Variants in CPS1 observed in about 807,000 individuals in gnomAD.
CPS1 encodes the protein carbamoyl-phosphate synthase 1.
CPS1 carries 109 observed loss-of-function variants against 174.6 expected under a neutral mutation model. The ratio of observed to expected loss-of-function variants is 0.62; its 90% CI spans 0.53 to 0.73. The LOEUF is 0.73. Ranked by LOEUF, CPS1 falls within the 30% of genes least tolerant of loss-of-function variation. CPS1 has a pLI of 0.00. For synonymous variants in CPS1, 637 were observed against 632.0 expected (o/e 1.01, Z -0.12); for missense variants, 1,689 against 1,821.9 (o/e 0.93, Z 1.33).
At chr2:210,572,879 T>G (rs899473557) in intron 1 of CPS1, among the ~76,000 whole-genome samples, 2 of 151,874 alleles carry the variant, frequency 1.3e-5, no homozygotes, top group Non-Finnish European at 2.9e-5. Context: ...AATCTCAGAG[T>G]GATGATGAGC....
At chr2:210,630,684 C>A (rs1009815439) in intron 21 of CPS1, among the ~76,000 whole-genome samples, 5 of 152,164 alleles carry the variant, frequency 3.3e-5, no homozygotes, top group Non-Finnish European at 5.9e-5. Context: ...AATAGTAGTG[C>A]CTACCCAATT....
chr2:210,496,128 C>T (rs1694985265), intron 1 of CPS1, among the ~76,000 whole-genome samples: 1 of 152,136 alleles, frequency 6.6e-6, no homozygotes, highest in African/African-American at 2.4e-5. Context: ...TGGACTTGCA[C>T]CTCACCAAAA....
chr2:210,526,654 T>C (rs951301635), intron 1 of CPS1, among the ~76,000 whole-genome samples: 10 of 151,852 alleles, frequency 6.6e-5, no homozygotes, highest in African/African-American at 2.4e-4. Flanking sequence ...CACCCTGAAA[T>C]CTATCACAAG....
chr2:210,573,465 T>G (rs1387288115), intron 2 of CPS1, 58 bp downstream of exon 2: 2 of 1,268,118 alleles, frequency 1.6e-6, no homozygotes, highest in African/African-American at 2.9e-5. Context: ...AACTGGAAGA[T>G]CTCACTCATG....
At chr2:210,604,560 G>C (rs1698840545) in intron 16 of CPS1, among the ~76,000 whole-genome samples, 1 of 151,730 alleles carries the variant, frequency 6.6e-6, no homozygotes, top group South Asian at 2.1e-4. Flanking sequence ...CATAATAATA[G>C]TCCCATATGA....
intron 1 of CPS1, among the ~76,000 whole-genome samples, chr2:210,525,224 A>G (rs968960798): frequency 6.6e-5 from 10 of 151,870 alleles, no homozygotes; most frequent in Non-Finnish European, 2.9e-5. Flanking sequence ...ACACCATGTA[A>G]AACTTAGTAT....
intron 5 of CPS1, among the ~76,000 whole-genome samples, chr2:210,580,067 G>C (rs1337768040): frequency 6.6e-6 from 1 of 152,140 alleles, no homozygotes; most frequent in African/African-American, 2.4e-5. Context: ...TTATAATTCA[G>C]CTCATGTGAT....
At chr2:210,648,930 C>G (rs1407395698) in intron 27 of CPS1, among the ~76,000 whole-genome samples, 3 of 152,122 alleles carry the variant, frequency 2.0e-5, no homozygotes, top group African/African-American at 7.2e-5. Flanking sequence ...CTGATAGTGC[C>G]TTTGTTTTAA....
Position 210,678,289 on chromosome 2 carries a change from G to GC in CPS1, c.*304_*305insC. Reference sequence around the variant, plus strand: ...TTACTTTTTATGGTGCTGATTAATGGTGATCAAGGTAGGAAAAGTTGCTGT... The same window carrying GC: ...TTACTTTTTATGGTGCTGATTAATGGCTGATCAAGGTAGGAAAAGTTGCTGT... On this transcript the variant is annotated 3_prime_UTR_variant, in exon 38 of 38. Coordinates refer to ENST00000233072, the MANE Select transcript of CPS1 (RefSeq NM_001875.5). 4.8e-6 allele frequency: 2 copies of GC among 412,792 alleles called. No individual in the cohort carries two copies. Among genetic ancestry groups the GC allele is most frequent in the Admixed American group, 3.7e-5 (1 of 26,670 alleles). The allele number at this position is 412,792 out of a possible 1,614,324, so 25.6% of individuals were successfully genotyped here.
At chr2:210,589,199 C>G (rs761026462) in intron 7 of CPS1, among the ~76,000 whole-genome samples, 1 of 152,148 alleles carries the variant, frequency 6.6e-6, no homozygotes, top group Admixed American at 6.6e-5. Flanking sequence ...CTAGTGGTAA[C>G]TACTTGCTAA....
At chr2:210,668,871 A>G (rs1701195128) in intron 34 of CPS1, among the ~76,000 whole-genome samples, 1 of 152,154 alleles carries the variant, frequency 6.6e-6, no homozygotes, top group Non-Finnish European at 1.5e-5. Context: ...TCTCCTGACC[A>G]TCTCCCCTTC....
chr2:210,573,330 A>T lies in CPS1; in HGVS notation c.159A>T (p.Gly53=). Residue 53 remains glycine, a synonymous_variant, in exon 2 of 38, where the codon GGA becomes GGT. Transcript: ENST00000233072. ...AQTAHIVLED[G]TKMKGYSFGH... ...CAGCACACATTGTCCTGGAAGATGG[A>T]ACTAAGATGAAAGGTTACTCCTTTG... The T allele has an allele frequency of 6.2e-7, 1 of 1,613,210 alleles. No homozygotes were observed. Among genetic ancestry groups the T allele is most frequent in the Non-Finnish European group, 8.5e-7 (1 of 1,179,262 alleles).
At chr2:210,536,871 T>G (rs1696269146) in intron 1 of CPS1, among the ~76,000 whole-genome samples, 1 of 152,198 alleles carries the variant, frequency 6.6e-6, no homozygotes, top group Non-Finnish European at 1.5e-5. Flanking sequence ...GATTACTTCT[T>G]AGATTAAAGT....
chr2:210,629,371 G>A (rs1699791698), intron 21 of CPS1, among the ~76,000 whole-genome samples: 1 of 151,824 alleles, frequency 6.6e-6, no homozygotes. Flanking sequence ...CTGGAGTGCA[G>A]TGGCGCGATC....
At chr2:210,481,412 G>C (rs538518569) in intron 1 of CPS1, among the ~76,000 whole-genome samples, 4 of 152,230 alleles carry the variant, frequency 2.6e-5, no homozygotes, top group Admixed American at 6.5e-5. Flanking sequence ...CTTCTGGAGG[G>C]GTCTTCTCAG....
upstream of CPS1, among the ~76,000 whole-genome samples, chr2:210,552,454 T>C (rs1349003820): frequency 1.3e-5 from 2 of 152,078 alleles, no homozygotes; most frequent in Non-Finnish European, 2.9e-5. Context: ...ATGCTTGCTA[T>C]GTTAGAGACT....
At chr2:210,584,470 T>C (rs1301887289) in intron 6 of CPS1, among the ~76,000 whole-genome samples, 1 of 152,160 alleles carries the variant, frequency 6.6e-6, no homozygotes, top group African/African-American at 2.4e-5. Context: ...AATTTGATTT[T>C]AAATAGATGT....
intron 6 of CPS1, among the ~76,000 whole-genome samples, chr2:210,584,409 C>T (rs944375986): frequency 3.9e-5 from 6 of 151,930 alleles, no homozygotes; most frequent in African/African-American, 9.7e-5. Flanking sequence ...TTGACAAAGG[C>T]GATTGAAATT....
Position 210,592,964 on chromosome 2 carries a change from A to G in CPS1, c.1164+8A>G. On this transcript the variant is annotated splice_region_variant and intron_variant, in intron 11 of 37. Coordinates refer to ENST00000233072, the MANE Select transcript of CPS1 (RefSeq NM_001875.5). ...GGGCCAATAGACACTGAGGTACGTC[A>G]AAAAGATGAGGCCTATTATGTATGC... 6.2e-7 allele frequency: 1 copy of G among 1,610,754 alleles called. No individual in the cohort carries two copies. Among genetic ancestry groups the G allele is most frequent in the Non-Finnish European group, 8.5e-7 (1 of 1,177,518 alleles).
Sources: allele counts gnomAD v4.1 joint callset (sites outside exome capture counted in the v4.1 genomes callset), GRCh38; gene constraint gnomAD v4.1.1; transcripts MANE v1.5; gene names NCBI Gene and HGNC (gene_info 2026-07-23, HGNC 2026-07-21).